LRRC28: variants seen among roughly 807,000 people sequenced by gnomAD.
LRRC28 encodes leucine-rich repeat-containing protein 28.
Under a neutral mutation model 45.7 loss-of-function variants are expected in LRRC28, and 39 were observed. The observed-to-expected ratio is 0.85, with a 90% confidence interval of 0.66 to 1.12. The LOEUF (loss-of-function observed/expected upper bound fraction) is 1.12. LRRC28 is among the 50% of genes most tolerant of loss of function. The probability of loss-of-function intolerance (pLI) is 0.00; values close to 1 mark genes in which losing one functional copy is unlikely to be tolerated. For synonymous variants in LRRC28, 206 were observed against 178.8 expected, an observed-to-expected ratio of 1.15 and a Z score of -1.22; for missense variants, 435 against 438.5, an observed-to-expected ratio of 0.99 and a Z score of 0.07.
At chr15:99,281,537 G>T (rs140388883) in intron 3 of LRRC28, among the ~76,000 whole-genome samples, 5 of 152,048 alleles carry the variant, frequency 3.3e-5, no homozygotes, top group African/African-American at 1.2e-4. Flanking sequence ...TTAATGTCCT[G>T]TTTGCTAATT....
intron 9 of LRRC28, among the ~76,000 whole-genome samples, chr15:99,372,847 G>A (rs1957520795): frequency 6.6e-6 from 1 of 152,156 alleles, no homozygotes; most frequent in African/African-American, 2.4e-5. Flanking sequence ...AGTTCCACAT[G>A]GCTGAGGAGG....
chr15:99,330,540 A>G (rs1411859687), intron 5 of LRRC28, among the ~76,000 whole-genome samples: 1 of 152,130 alleles, frequency 6.6e-6, no homozygotes, highest in East Asian at 1.9e-4. Flanking sequence ...TGATATGAAT[A>G]TAGCTGCTCT....
At chr15:99,381,931 G>A (rs1449504455) in intron 9 of LRRC28, among the ~76,000 whole-genome samples, 3 of 152,242 alleles carry the variant, frequency 2.0e-5, no homozygotes, top group African/African-American at 7.2e-5. Flanking sequence ...TGAGGTGTCA[G>A]TCTGCCCCTA....
At chr15:99,359,915 G>A (rs544508549) in intron 7 of LRRC28, among the ~76,000 whole-genome samples, 1 of 152,284 alleles carries the variant, frequency 6.6e-6, no homozygotes, top group Non-Finnish European at 1.5e-5. Flanking sequence ...TACCTCTTCT[G>A]TTTATCTCAG....
In LRRC28 at chr15:99,387,503, A is replaced by T. The variant is rs1958060712; in HGVS notation, c.*1401A>T. On this transcript the variant is annotated 3_prime_UTR_variant, in exon 10 of 10. Coordinates refer to ENST00000301981, the MANE Select transcript of LRRC28 (RefSeq NM_144598.5). ...CAGATGCAACTGAGAAAATACAGGA[A>T]AAGCAGGTCCAAATTCAGCCTTCGA... 6.6e-6 allele frequency: 1 copy of T among 152,192 alleles called. No homozygotes were observed. The highest frequency in any genetic ancestry group is 2.4e-5 in the African/African-American group (1 of 41,444). The allele number at this position is 152,192 out of a possible 1,614,324, so 9.4% of individuals were successfully genotyped here.
chr15:99,275,974 C>A (rs1020862019), intron 2 of LRRC28, among the ~76,000 whole-genome samples: 7 of 152,154 alleles, frequency 4.6e-5, no homozygotes, highest in Non-Finnish European at 1.0e-4. Flanking sequence ...CTGTGGCTTG[C>A]ATTACCGCTT....
intron 6 of LRRC28, among the ~76,000 whole-genome samples, chr15:99,342,552 G>A (rs1956550811): frequency 1.3e-5 from 2 of 152,160 alleles, no homozygotes; most frequent in South Asian, 2.1e-4. Flanking sequence ...TACCACATAA[G>A]TATACAGTCA....
chr15:99,302,870 T>A (rs1955034439), intron 5 of LRRC28, among the ~76,000 whole-genome samples: 1 of 152,218 alleles, frequency 6.6e-6, no homozygotes, highest in African/African-American at 2.4e-5. Flanking sequence ...TAGTAATGTT[T>A]TATTGTATGG....
chr15:99,265,615 C>T (rs1035340225), intron 2 of LRRC28, among the ~76,000 whole-genome samples: 8 of 152,130 alleles, frequency 5.3e-5, no homozygotes, highest in African/African-American at 1.9e-4. Context: ...GTGGAAGCAA[C>T]AATCACTAGT....
intron 6 of LRRC28, among the ~76,000 whole-genome samples, chr15:99,346,289 G>C (rs1307589959): frequency 6.6e-6 from 1 of 152,120 alleles, no homozygotes; most frequent in East Asian, 1.9e-4. Flanking sequence ...TGATCTTTCT[G>C]CCTCAGCCTC....
At chr15:99,273,308 C>T (rs1219420762) in intron 2 of LRRC28, among the ~76,000 whole-genome samples, 2 of 151,002 alleles carry the variant, frequency 1.3e-5, no homozygotes, top group African/African-American at 2.5e-5. Flanking sequence ...GCGATCTTGG[C>T]TCACTGCAAG....
chr15:99,369,414 C>T (rs1207897661), intron 9 of LRRC28, among the ~76,000 whole-genome samples: 1 of 152,146 alleles, frequency 6.6e-6, no homozygotes, highest in Non-Finnish European at 1.5e-5. Context: ...AATTGGCTCA[C>T]ACAATTGCAA....
At chr15:99,333,466 G>A (rs958490124) in intron 5 of LRRC28, 1 of 164,030 alleles carries the variant, frequency 6.1e-6, no homozygotes, top group African/African-American at 2.4e-5. Flanking sequence ...AATCTGTTTA[G>A]CTCATATGAA....
intron 5 of LRRC28, among the ~76,000 whole-genome samples, chr15:99,299,203 T>C (rs8041923): frequency 0.41 from 62,920 of 152,046 alleles, 13,656 homozygotes; most frequent in African/African-American, 0.56. Flanking sequence ...AGTATGTTTT[T>C]GATAAATACG....
chr15:99,311,905 G>A (rs955266461), intron 5 of LRRC28, among the ~76,000 whole-genome samples: 1 of 152,144 alleles, frequency 6.6e-6, no homozygotes, highest in Admixed American at 6.5e-5. Flanking sequence ...AGTCGTAACA[G>A]TGAGGAAAGT....
At chr15:99,376,792 G>A (rs1191797233) in intron 9 of LRRC28, among the ~76,000 whole-genome samples, 1 of 152,110 alleles carries the variant, frequency 6.6e-6, no homozygotes. Flanking sequence ...AGGACATGTG[G>A]TGTTTGGTTT....
intron 2 of LRRC28, among the ~76,000 whole-genome samples, chr15:99,263,920 T>C (rs2152134438): frequency 6.6e-6 from 1 of 152,344 alleles, no homozygotes; most frequent in East Asian, 1.9e-4. Context: ...AAAAATGAAC[T>C]AAGACTCAAT....
At chr15:99,292,294 A>G (rs2082141435) in intron 5 of LRRC28, among the ~76,000 whole-genome samples, 2 of 151,688 alleles carry the variant, frequency 1.3e-5, no homozygotes, top group South Asian at 2.1e-4. Context: ...CATTTTTGGT[A>G]AAGGTTGGTG....
intron 2 of LRRC28, among the ~76,000 whole-genome samples, chr15:99,267,907 C>T (rs767885333): frequency 2.6e-5 from 4 of 152,106 alleles, no homozygotes; most frequent in East Asian, 3.9e-4. Context: ...GGAAAATGAA[C>T]GTCTGTTCCA....
Sources: gnomAD v4.1 joint callset for allele counts (sites outside exome capture counted in the v4.1 genomes callset) on GRCh38, gnomAD v4.1.1 for gene constraint, MANE v1.5 for transcripts, NCBI Gene and HGNC (gene_info 2026-07-23, HGNC 2026-07-21) for gene names.